The following DAB1 variants were observed in gnomAD, a reference collection of about 807,000 sequenced individuals.
The protein encoded by DAB1 is DAB adaptor protein 1, also known as disabled homolog 1.
A neutral mutation model predicts 64.6 loss-of-function variants in DAB1; 15 were observed. The observed-to-expected ratio is 0.23, with a 90% CI of 0.16 to 0.36. The LOEUF is 0.36. Among genes scored for constraint, DAB1 ranks in the 10% least tolerant of loss-of-function variants. The pLI is 1.00. For synonymous variants in DAB1, 235 were observed against 251.9 expected, an observed-to-expected ratio of 0.93 and a Z score of 0.64; for missense variants, 596 against 706.7, an observed-to-expected ratio of 0.84 and a Z score of 1.78.
intron 5 of DAB1, among the ~76,000 whole-genome samples, chr1:57,995,508 A>C (rs147534422): frequency 2.6e-5 from 4 of 152,240 alleles, no homozygotes; most frequent in Non-Finnish European, 1.5e-5. Context: ...ATCTATATTT[A>C]ATGAGGCACT....
chr1:57,491,437 A>T (rs1644163569), intron 7 of DAB1, among the ~76,000 whole-genome samples: 3 of 151,992 alleles, frequency 2.0e-5, no homozygotes, highest in Admixed American at 6.5e-5. Context: ...CAAAAAAATA[A>T]AAATTAAAAA....
intron 4 of DAB1, among the ~76,000 whole-genome samples, chr1:58,158,783 TC>T (rs78417036): frequency 0.19 from 28,486 of 151,990 alleles, 2,816 homozygotes; most frequent in East Asian, 0.36. Flanking sequence ...GAAAGCAGCC[TC>T]CTGCAGAGCC....
At chr1:58,132,680 C>CA (rs762682656) in intron 5 of DAB1, among the ~76,000 whole-genome samples, 12 of 152,134 alleles carry the variant, frequency 7.9e-5, no homozygotes, top group Non-Finnish European at 1.8e-4. Flanking sequence ...CAGGGTAACA[C>CA]AAACAGGATT....
chr1:57,840,397 G>A (rs1372117533), intron 1 of DAB1, among the ~76,000 whole-genome samples: 1 of 152,098 alleles, frequency 6.6e-6, no homozygotes, highest in Non-Finnish European at 1.5e-5. Flanking sequence ...ATATCCAAAG[G>A]CATAGAAGTG....
intron 3 of DAB1, among the ~76,000 whole-genome samples, chr1:58,419,527 A>G (rs76787531): frequency 0.026 from 3,995 of 152,236 alleles, 192 homozygotes; most frequent in African/African-American, 0.092. Context: ...CTGGAAGTCA[A>G]GAAACCTGAA....
chr1:57,450,765 T>C (rs552375864), intron 7 of DAB1, among the ~76,000 whole-genome samples: 2 of 152,346 alleles, frequency 1.3e-5, no homozygotes, highest in Admixed American at 1.3e-4. Context: ...TTTCACTCTT[T>C]TAAAACAATG....
At chr1:57,272,162 T>A (rs1671064863) in intron 2 of DAB1, among the ~76,000 whole-genome samples, 1 of 152,198 alleles carries the variant, frequency 6.6e-6, no homozygotes. Context: ...AGATTGCTTT[T>A]TTCATGAGTG....
chr1:57,649,502 C>A (rs138619301), intron 7 of DAB1: 1 of 152,116 alleles, frequency 6.6e-6, no homozygotes, highest in African/African-American at 2.4e-5. Flanking sequence ...GCTACCACTT[C>A]GAGAGAACCC....
At chr1:57,834,555 G>C (rs1652725963) in intron 1 of DAB1, among the ~76,000 whole-genome samples, 2 of 151,524 alleles carry the variant, frequency 1.3e-5, no homozygotes, top group South Asian at 4.2e-4. Flanking sequence ...GTCTGTGAAG[G>C]GAATATATAT....
At chr1:57,569,600 G>C (rs908283824) in intron 7 of DAB1, among the ~76,000 whole-genome samples, 16 of 151,924 alleles carry the variant, frequency 1.1e-4, no homozygotes, top group African/African-American at 3.9e-4. Flanking sequence ...CCTGTTGTGT[G>C]GTGGGGGTAG....
chr1:57,659,994 T>TAAAC (rs1646366717), intron 6 of DAB1, among the ~76,000 whole-genome samples: 1 of 142,230 alleles, frequency 7.0e-6, no homozygotes, highest in African/African-American at 2.9e-5. Context: ...AATAAATAAA[T>TAAAC]AAATAAATAA....
chr1:58,203,814 C>T (rs1658119559), intron 4 of DAB1, among the ~76,000 whole-genome samples: 1 of 152,186 alleles, frequency 6.6e-6, no homozygotes, highest in African/African-American at 2.4e-5. Context: ...TTGTGGCTCC[C>T]AGTTGACTAT....
chr1:57,648,719 T>C (rs1169105401), intron 7 of DAB1, among the ~76,000 whole-genome samples: 1 of 152,222 alleles, frequency 6.6e-6, no homozygotes, highest in Non-Finnish European at 1.5e-5. Context: ...TATCTGGGCT[T>C]TTAATGGACC....
intron 6 of DAB1, among the ~76,000 whole-genome samples, chr1:57,742,004 G>T (rs573993256): frequency 2.6e-5 from 4 of 152,284 alleles, no homozygotes; most frequent in African/African-American, 9.6e-5. Flanking sequence ...GAGGCCCATG[G>T]GGGTGGAGGT....
Position 57,078,630 on chromosome 1 carries a change from G to A in DAB1, c.307-6216C>T, listed in dbSNP as rs116408933. Among the ~76,000 whole-genome samples, 1,146 of 152,274 alleles carry A rather than the reference G, an allele frequency of 7.5e-3. 21 individuals carry two copies. Among genetic ancestry groups the A allele is most frequent in the African/African-American group, 0.026 (1,073 of 41,540 alleles). On this transcript the variant is annotated intron_variant, in intron 4 of 14. Transcript: ENST00000371236. ...ATAATAGTATCTCTCTCATGGTGTT[G>A]TTATGAGGATGAATAAATTAATATA...
chr1:57,184,565 C>G (rs1420484530), intron 2 of DAB1, among the ~76,000 whole-genome samples: 1 of 152,078 alleles, frequency 6.6e-6, no homozygotes, highest in Non-Finnish European at 1.5e-5. Context: ...GCAAGGTTAC[C>G]AAAAATAAGA....
At chr1:57,357,692 G>A (rs189085112) in intron 1 of DAB1, among the ~76,000 whole-genome samples, 34 of 151,954 alleles carry the variant, frequency 2.2e-4, no homozygotes, top group African/African-American at 7.7e-4. Flanking sequence ...TGGCTGAGAA[G>A]GCCTCAGGAA....
chr1:58,410,229 T>C (rs769571969), intron 3 of DAB1, among the ~76,000 whole-genome samples: 4 of 152,228 alleles, frequency 2.6e-5, no homozygotes, highest in Admixed American at 2.0e-4. Context: ...TGAAATCATA[T>C]ATAAGATCTT....
At chr1:58,472,434 CT>C (rs1206883867) in intron 3 of DAB1, among the ~76,000 whole-genome samples, 1 of 152,214 alleles carries the variant, frequency 6.6e-6, no homozygotes, top group Non-Finnish European at 1.5e-5. Flanking sequence ...GTCATTAGCA[CT>C]TTTCATAAGT....
Sources: gnomAD v4.1 joint callset for allele counts (sites outside exome capture counted in the v4.1 genomes callset) on GRCh38, gnomAD v4.1.1 for gene constraint, MANE v1.5 for transcripts, NCBI Gene and HGNC (gene_info 2026-07-23, HGNC 2026-07-21) for gene names.